Variants in XKR4 observed in about 807,000 individuals in gnomAD.
XKR4 encodes XK related 4.
In XKR4, 12 loss-of-function variants were observed where a neutral mutation model predicts 53.9. The observed-to-expected ratio is 0.22, with a 90% CI of 0.14 to 0.36. XKR4 has a LOEUF of 0.36. Ranked by LOEUF, XKR4 falls within the 10% of genes least tolerant of loss-of-function variation. The pLI, the probability that XKR4 is intolerant of heterozygous loss-of-function variation, is 1.00. For missense variants in XKR4, 799 were observed against 859.5 expected (o/e 0.93, Z 0.88); for synonymous variants, 354 against 362.4 (o/e 0.98, Z 0.26).
intron 1 of XKR4, among the ~76,000 whole-genome samples, chr8:55,345,028 T>C (rs1325727099): frequency 6.6e-6 from 1 of 152,186 alleles, no homozygotes; most frequent in Non-Finnish European, 1.5e-5. Flanking sequence ...GGTGGGCAGA[T>C]CACAGCAATT....
chr8:55,504,095 G>A (rs1806486055), intron 2 of XKR4, among the ~76,000 whole-genome samples: 1 of 152,068 alleles, frequency 6.6e-6, no homozygotes, highest in South Asian at 2.1e-4. Flanking sequence ...ATATGCTACT[G>A]AATGCAGTTT....
At chr8:55,251,342 G>A (rs933871333) in intron 1 of XKR4, among the ~76,000 whole-genome samples, 4 of 152,180 alleles carry the variant, frequency 2.6e-5, no homozygotes, top group African/African-American at 7.2e-5. Flanking sequence ...CAAGATTAAC[G>A]GAGTCAGAGA....
chr8:55,215,317 T>G (rs1286858720), intron 1 of XKR4, among the ~76,000 whole-genome samples: 1 of 152,216 alleles, frequency 6.6e-6, no homozygotes, highest in Non-Finnish European at 1.5e-5. Flanking sequence ...AAGCTTTTTC[T>G]GGAATAAGTA....
intron 1 of XKR4, among the ~76,000 whole-genome samples, chr8:55,183,582 A>T (rs2129360088): frequency 6.6e-6 from 1 of 152,244 alleles, no homozygotes; most frequent in South Asian, 2.1e-4. Context: ...GTTTAATCCC[A>T]TTATGACCTG....
chr8:55,330,682 A>T (rs910669995), intron 1 of XKR4, among the ~76,000 whole-genome samples: 4 of 152,110 alleles, frequency 2.6e-5, no homozygotes, highest in African/African-American at 9.7e-5. Context: ...TCACCTACAT[A>T]TCCCCAAGTC....
intron 2 of XKR4, among the ~76,000 whole-genome samples, chr8:55,419,515 G>A (rs868485651): frequency 6.6e-6 from 1 of 152,168 alleles, no homozygotes; most frequent in African/African-American, 2.4e-5. Context: ...TTCATGTTTT[G>A]TTGTTACTAC....
intron 1 of XKR4, among the ~76,000 whole-genome samples, chr8:55,105,547 T>A (rs1377689472): frequency 1.3e-5 from 2 of 152,204 alleles, no homozygotes; most frequent in East Asian, 3.8e-4. Context: ...CATGATCATC[T>A]AGGAGGAATA....
chr8:55,469,319 C>T (rs773409385), intron 2 of XKR4, among the ~76,000 whole-genome samples: 1 of 152,114 alleles, frequency 6.6e-6, no homozygotes, highest in Non-Finnish European at 1.5e-5. Flanking sequence ...AACCCCTCTA[C>T]AATATGTCTC....
At chr8:55,271,637 G>A (rs528844449) in intron 1 of XKR4, among the ~76,000 whole-genome samples, 5 of 152,256 alleles carry the variant, frequency 3.3e-5, no homozygotes, top group Non-Finnish European at 1.5e-5. Context: ...GGTGTGCCCT[G>A]ATGGCGGCTG....
intron 1 of XKR4, among the ~76,000 whole-genome samples, chr8:55,152,788 A>G (rs1263187113): frequency 6.6e-6 from 1 of 152,206 alleles, no homozygotes; most frequent in Non-Finnish European, 1.5e-5. Context: ...GAGATGACAT[A>G]ACGTTTTGGA....
At chr8:55,478,805 G>A (rs892318716) in intron 2 of XKR4, among the ~76,000 whole-genome samples, 13 of 152,018 alleles carry the variant, frequency 8.6e-5, no homozygotes, top group Non-Finnish European at 1.5e-4. Context: ...GACAAAGAAG[G>A]CCATTACATA....
chr8:55,462,307 G>A (rs988294071), intron 2 of XKR4, among the ~76,000 whole-genome samples: 5 of 152,190 alleles, frequency 3.3e-5, no homozygotes, highest in African/African-American at 7.2e-5. Context: ...AGAAGAGAGT[G>A]GGGGCCAATA....
chr8:55,254,839 A>G (rs1018824842), intron 1 of XKR4, among the ~76,000 whole-genome samples: 1 of 152,152 alleles, frequency 6.6e-6, no homozygotes, highest in Non-Finnish European at 1.5e-5. Flanking sequence ...CTTCCTGACT[A>G]CCAAAGACTC....
intron 2 of XKR4, among the ~76,000 whole-genome samples, chr8:55,494,846 G>A (rs1227866690): frequency 6.6e-6 from 1 of 152,172 alleles, no homozygotes; most frequent in Non-Finnish European, 1.5e-5. Context: ...CCAGGGAAAA[G>A]CACTACAAGT....
At chr8:55,127,237 ACT>A (rs756466423) in intron 1 of XKR4, among the ~76,000 whole-genome samples, 4 of 44,902 alleles carry the variant, frequency 8.9e-5, no homozygotes, top group Non-Finnish European at 1.7e-4. Context: ...TAGGTGCCTA[ACT>A]CTTTTTTTTT....
At chr8:55,507,798 G>A (rs182512061) in intron 2 of XKR4, among the ~76,000 whole-genome samples, 9 of 152,192 alleles carry the variant, frequency 5.9e-5, no homozygotes, top group African/African-American at 1.2e-4. Flanking sequence ...GAATAATGCC[G>A]CAATAAACAT....
chr8:55,472,391 G>C (rs1805901814), intron 2 of XKR4, among the ~76,000 whole-genome samples: 1 of 152,098 alleles, frequency 6.6e-6, no homozygotes, highest in Non-Finnish European at 1.5e-5. Flanking sequence ...AGATAGATGT[G>C]AATATGTTCT....
intron 2 of XKR4, among the ~76,000 whole-genome samples, chr8:55,443,858 A>G (rs1805308145): frequency 6.7e-6 from 1 of 148,470 alleles, no homozygotes; most frequent in African/African-American, 2.5e-5. Context: ...AAAAAAAGAA[A>G]GAAAAGAAAA....
intron 1 of XKR4, among the ~76,000 whole-genome samples, chr8:55,224,935 GAATT>G (rs1293008155): frequency 6.6e-6 from 1 of 152,154 alleles, no homozygotes; most frequent in African/African-American, 2.4e-5. Context: ...TTAAGAATAA[GAATT>G]AGGTGTTTTC....
Sources: allele counts gnomAD v4.1 joint callset (sites outside exome capture counted in the v4.1 genomes callset), GRCh38; gene constraint gnomAD v4.1.1; transcripts MANE v1.5; gene names NCBI Gene and HGNC (gene_info 2026-07-23, HGNC 2026-07-21).